The following SPIRE1 variants were observed in gnomAD, a reference collection of about 807,000 sequenced individuals.
SPIRE1 encodes the protein spire type actin nucleation factor 1, also known as protein spire homolog 1.
A neutral mutation model predicts 94.1 loss-of-function variants in SPIRE1; 40 were observed. The ratio of observed to expected loss-of-function variants is 0.43; its 90% CI spans 0.33 to 0.55. The LOEUF is 0.55. Among genes scored for constraint, SPIRE1 ranks in the 20% least tolerant of loss-of-function variants. The pLI, the probability that SPIRE1 is intolerant of heterozygous loss-of-function variation, is 0.06. For synonymous variants in SPIRE1, 376 were observed against 371.7 expected (o/e 1.01, Z -0.13); for missense variants, 838 against 975.2 (o/e 0.86, Z 1.87).
intron 2 of SPIRE1, among the ~76,000 whole-genome samples, chr18:12,598,119 T>C (rs1427839246): frequency 5.3e-5 from 8 of 152,252 alleles, no homozygotes; most frequent in Non-Finnish European, 8.8e-5. Flanking sequence ...CATTTACTCC[T>C]AATATTTTCT....
At chr18:12,490,572 A>G (rs2033197607) in intron 8 of SPIRE1, among the ~76,000 whole-genome samples, 1 of 152,236 alleles carries the variant, frequency 6.6e-6, no homozygotes, top group Non-Finnish European at 1.5e-5. Flanking sequence ...CATCAGCACA[A>G]TAAAAGGATC....
chr18:12,558,990 T>C (rs896836254), intron 2 of SPIRE1, among the ~76,000 whole-genome samples: 6 of 152,206 alleles, frequency 3.9e-5, no homozygotes, highest in African/African-American at 1.4e-4. Context: ...TCCAAGACCC[T>C]ACCCAACTCA....
At chr18:12,465,825 C>A (rs959998648) in intron 10 of SPIRE1, among the ~76,000 whole-genome samples, 1 of 151,974 alleles carries the variant, frequency 6.6e-6, no homozygotes, top group African/African-American at 2.4e-5. Context: ...GTGGCTCGCA[C>A]CTATAATCCC....
intron 3 of SPIRE1, among the ~76,000 whole-genome samples, chr18:12,542,756 C>G (rs2035046772): frequency 6.6e-6 from 1 of 152,182 alleles, no homozygotes; most frequent in Non-Finnish European, 1.5e-5. Context: ...CATTTTAATT[C>G]TAAATATATT....
At chr18:12,485,857 A>G in intron 9 of SPIRE1, 102 bp downstream of exon 9, 1 of 873,724 alleles carries the variant, frequency 1.1e-6, no homozygotes, top group Non-Finnish European at 1.8e-6. Context: ...GAAGCCTTTC[A>G]ATTTTCTTTT....
chr18:12,523,407 T>C (rs1436187822), intron 4 of SPIRE1, among the ~76,000 whole-genome samples: 1 of 152,238 alleles, frequency 6.6e-6, no homozygotes, highest in Non-Finnish European at 1.5e-5. Context: ...TCAAAAATTA[T>C]ATAAATCTAG....
chr18:12,503,427 T>A (rs917221157), intron 6 of SPIRE1, among the ~76,000 whole-genome samples: 1 of 152,226 alleles, frequency 6.6e-6, no homozygotes, highest in African/African-American at 2.4e-5. Flanking sequence ...TCCGTCTTTA[T>A]TTTGCCAGAT....
intron 4 of SPIRE1, among the ~76,000 whole-genome samples, chr18:12,525,010 C>T (rs972587683): frequency 1.3e-5 from 2 of 150,786 alleles, no homozygotes; most frequent in Non-Finnish European, 3.0e-5. Flanking sequence ...GGCACGGTGG[C>T]TCACGCCTGT....
At position 12,597,713 on chromosome 18, in the gene SPIRE1, C is replaced by T. The variant is rs372500756; in HGVS notation, c.372+37349G>A. Reference sequence around the variant, plus strand: ...AGAGTATTCAAAAAACAAATAGATACGGTCTCCGCTGTTTTTTAGAGCTGC... The same window carrying T: ...AGAGTATTCAAAAAACAAATAGATATGGTCTCCGCTGTTTTTTAGAGCTGC... On this transcript the variant is annotated intron_variant, in intron 2 of 16. Transcript: ENST00000409402. Among the ~76,000 whole-genome samples, 69 of 152,292 alleles carry T rather than the reference C, an allele frequency of 4.5e-4. 1 individual carries two copies. In the South Asian group the frequency reaches 0.011, roughly 25 times the overall value.
Position 12,463,385 on chromosome 18 carries a change from A to G in SPIRE1, c.1604T>C (p.Phe535Ser). Residue 535 changes from phenylalanine (F) to serine (S), a missense_variant, in exon 12 of 17, where the codon TTC (phenylalanine) becomes TCC (serine). By Grantham distance (155) the Phe-to-Ser change is radical. Around this residue, in one of 2 missense-constraint regions of SPIRE1, gnomAD observed 645 missense variants for 804.7 expected, o/e 0.80. Transcript: ENST00000409402. The part of the protein sequence containing the change: ...EKETPTNVRQ[F>S]LPPSRQSSRS... ...GGAACTCTGCCTGGAAGGCGGCAGG[A>G]ACTGCCTCACGTTAGTAGGCGTTTC... 6.2e-7 allele frequency: 1 copy of G among 1,613,906 alleles called. No homozygotes were observed. Among genetic ancestry groups the G allele is most frequent in the Non-Finnish European group, 8.5e-7 (1 of 1,179,884 alleles).
chr18:12,516,663 A>ATATT (rs750113460), intron 4 of SPIRE1, among the ~76,000 whole-genome samples: 2 of 152,222 alleles, frequency 1.3e-5, no homozygotes, highest in Non-Finnish European at 2.9e-5. Context: ...TGTCCTTAAT[A>ATATT]GTCTACAAAT....
chr18:12,642,717 G>A (rs2038120264), intron 1 of SPIRE1, among the ~76,000 whole-genome samples: 1 of 152,104 alleles, frequency 6.6e-6, no homozygotes, highest in Admixed American at 6.6e-5. Flanking sequence ...TGAACAATGA[G>A]AACACATGGA....
chr18:12,617,758 G>A (rs895916745), intron 2 of SPIRE1, among the ~76,000 whole-genome samples: 2 of 151,548 alleles, frequency 1.3e-5, no homozygotes, highest in African/African-American at 4.9e-5. Context: ...GTTTCACCAT[G>A]GTGGCCAGGC....
At chr18:12,657,051 G>C (rs985983582) in intron 1 of SPIRE1, among the ~76,000 whole-genome samples, 1 of 152,272 alleles carries the variant, frequency 6.6e-6, no homozygotes, top group Non-Finnish European at 1.5e-5. Context: ...TTTCCCGTGA[G>C]GAGTGCGGTG....
At chr18:12,474,582 G>A (rs533110539) in intron 10 of SPIRE1, among the ~76,000 whole-genome samples, 23 of 152,304 alleles carry the variant, frequency 1.5e-4, no homozygotes, top group Admixed American at 3.3e-4. Context: ...AGCACTTTGG[G>A]AGGCCGAGGT....
intron 2 of SPIRE1, among the ~76,000 whole-genome samples, chr18:12,556,616 G>C (rs1294710329): frequency 6.6e-6 from 1 of 152,134 alleles, no homozygotes; most frequent in African/African-American, 2.4e-5. Context: ...TGAAGCTGCA[G>C]ACCTTCGCCA....
intron 2 of SPIRE1, among the ~76,000 whole-genome samples, chr18:12,603,293 G>A (rs559034710): frequency 9.9e-5 from 15 of 152,222 alleles, no homozygotes; most frequent in Admixed American, 2.6e-4. Flanking sequence ...AACTTGAACC[G>A]TCTGTAACTG....
intron 2 of SPIRE1, among the ~76,000 whole-genome samples, chr18:12,612,284 C>G (rs150746625): frequency 1.3e-5 from 2 of 152,290 alleles, no homozygotes; most frequent in Admixed American, 6.5e-5. Flanking sequence ...ACTATACTGA[C>G]TGATGTTGCC....
At chr18:12,556,913 C>T (rs534750388) in intron 2 of SPIRE1, among the ~76,000 whole-genome samples, 1 of 151,744 alleles carries the variant, frequency 6.6e-6, no homozygotes, top group South Asian at 2.1e-4. Flanking sequence ...CCTTATCCGA[C>T]CCCACCCATA....
Sources: allele counts gnomAD v4.1 joint callset (sites outside exome capture counted in the v4.1 genomes callset), GRCh38; gene constraint gnomAD v4.1.1; regional missense constraint gnomAD v4.1.1; transcripts MANE v1.5; gene names NCBI Gene and HGNC (gene_info 2026-07-23, HGNC 2026-07-21).